ROBO2: variants seen among roughly 807,000 people sequenced by gnomAD.
ROBO2 encodes the protein roundabout homolog 2.
In ROBO2, 53 loss-of-function variants were observed where a neutral mutation model predicts 160.8. That is an observed-to-expected ratio of 0.33 (90% CI 0.26 to 0.41). ROBO2 has a LOEUF of 0.41. Ranked by LOEUF, ROBO2 falls within the 10% of genes least tolerant of loss-of-function variation. The pLI, the probability that ROBO2 is intolerant of heterozygous loss-of-function variation, is 1.00. For missense variants in ROBO2, 1,577 were observed against 1,722.4 expected, an observed-to-expected ratio of 0.92 and a Z score of 1.49; for synonymous variants, 664 against 611.7, an observed-to-expected ratio of 1.09 and a Z score of -1.26.
intron 2 of ROBO2, among the ~76,000 whole-genome samples, chr3:77,327,826 G>T (rs770561431): frequency 1.3e-5 from 2 of 151,992 alleles, no homozygotes; most frequent in Non-Finnish European, 2.9e-5. Context: ...GAGGTGGGTC[G>T]ATCACCTGAG....
intron 2 of ROBO2, among the ~76,000 whole-genome samples, chr3:76,286,585 G>T (rs1040076933): frequency 5.3e-5 from 8 of 152,178 alleles, no homozygotes; most frequent in African/African-American, 1.4e-4. Context: ...CATTAGAGGA[G>T]ACAAGTCTGG....
intron 2 of ROBO2, among the ~76,000 whole-genome samples, chr3:76,073,267 CTTTTTTTTTTTTTTTT>C (rs869307615): frequency 0.25 from 14,459 of 57,312 alleles, 3,885 homozygotes; most frequent in Middle Eastern, 0.41. Context: ...AATGAGTATT[CTTTTTTTTTTTTTTTT>C]TTTTTTTTTT....
At chr3:75,928,861 CGTGTGTGTG>C (rs1442870884) in intron 1 of ROBO2, among the ~76,000 whole-genome samples, 2 of 109,102 alleles carry the variant, frequency 1.8e-5, no homozygotes, top group African/African-American at 3.8e-5. Context: ...CTGGATAAGA[CGTGTGTGTG>C]TGTGTGTGTG....
At chr3:77,645,010 T>C in intron 25 of ROBO2, 106 bp downstream of exon 27, 1 of 1,191,314 alleles carries the variant, frequency 8.4e-7, no homozygotes, top group Non-Finnish European at 1.2e-6. Context: ...ACTTGCTCTG[T>C]TACAAAAACA....
chr3:76,798,851 C>A (rs1053605854), intron 2 of ROBO2, among the ~76,000 whole-genome samples: 1 of 152,024 alleles, frequency 6.6e-6, no homozygotes, highest in African/African-American at 2.4e-5. Context: ...CATGATCATG[C>A]CACTACACTC....
chr3:76,850,210 T>G (rs892026136), intron 2 of ROBO2, among the ~76,000 whole-genome samples: 25 of 152,142 alleles, frequency 1.6e-4, no homozygotes, highest in African/African-American at 5.8e-4. Flanking sequence ...CAGCTCTTAG[T>G]GGATTAAGAT....
chr3:76,923,932 G>A (rs947435496), intron 2 of ROBO2, among the ~76,000 whole-genome samples: 2 of 152,136 alleles, frequency 1.3e-5, no homozygotes, highest in Non-Finnish European at 2.9e-5. Context: ...CTCATTGTTC[G>A]GAAACTAAAA....
intron 1 of ROBO2, 32 bp downstream of exon 1, chr3:77,040,878 GCCCCCCAC>G: frequency 1.2e-6 from 2 of 1,610,874 alleles, no homozygotes; most frequent in Non-Finnish European, 1.7e-6. Flanking sequence ...CTTTTTTTGC[GCCCCCCAC>G]CCCCCAATCC....
chr3:76,488,717 C>T (rs2079633877), intron 2 of ROBO2, among the ~76,000 whole-genome samples: 5 of 151,914 alleles, frequency 3.3e-5, no homozygotes, highest in Admixed American at 3.3e-4. Flanking sequence ...GAGCAGATAT[C>T]TTGGAGGCCA....
At chr3:77,594,785 T>C (rs573719692) in intron 17 of ROBO2, among the ~76,000 whole-genome samples, 16 of 152,322 alleles carry the variant, frequency 1.1e-4, no homozygotes, top group African/African-American at 3.8e-4. Flanking sequence ...GACACCTTTG[T>C]TTTAAAATTA....
intron 2 of ROBO2, among the ~76,000 whole-genome samples, chr3:76,301,896 T>G (rs1709377281): frequency 6.6e-6 from 1 of 152,080 alleles, no homozygotes; most frequent in African/African-American, 2.4e-5. Flanking sequence ...TTCTTTATCT[T>G]GTCCTCCATC....
At chr3:76,533,002 G>C (rs2082309557) in intron 2 of ROBO2, among the ~76,000 whole-genome samples, 1 of 152,172 alleles carries the variant, frequency 6.6e-6, no homozygotes, top group African/African-American at 2.4e-5. Flanking sequence ...ATGATATCCA[G>C]TTACTTTCAT....
rs978108165 is a variant in ROBO2 at position 77,640,359 on chromosome 3, C to T, written c.3935-4345C>T. ...CGATCTCTTGACCTCGTGATCCGCC[C>T]GCCTTGGCCTCCCAAAGTGCTGCGA... is the stretch of plus-strand genomic sequence containing the variant. On this transcript the variant is annotated intron_variant, in intron 24 of 25. Transcript: ENST00000461745. Among the ~76,000 whole-genome samples, 10 of 152,232 alleles carry T rather than the reference C, an allele frequency of 6.6e-5. No homozygotes were observed. The East Asian group carries it at 1.2e-3, about 18-fold the overall frequency.
At chr3:77,188,106 A>G (rs1234331935) in intron 2 of ROBO2, among the ~76,000 whole-genome samples, 2 of 143,188 alleles carry the variant, frequency 1.4e-5, no homozygotes, top group Non-Finnish European at 1.5e-5. Flanking sequence ...TTATGTATCA[A>G]TTATCTTTGA....
chr3:76,034,085 A>G (rs1340705147), intron 2 of ROBO2, among the ~76,000 whole-genome samples: 1 of 152,156 alleles, frequency 6.6e-6, no homozygotes, highest in African/African-American at 2.4e-5. Flanking sequence ...CACCTTAGAA[A>G]AGGGGCATAG....
intron 2 of ROBO2, among the ~76,000 whole-genome samples, chr3:76,035,878 C>T (rs1165330851): frequency 6.6e-6 from 1 of 151,970 alleles, no homozygotes; most frequent in Non-Finnish European, 1.5e-5. Flanking sequence ...CCTGTGTCTC[C>T]TTCACCCTCT....
chr3:77,152,509 A>C (rs1277622047), intron 2 of ROBO2, among the ~76,000 whole-genome samples: 3 of 152,330 alleles, frequency 2.0e-5, no homozygotes, highest in African/African-American at 2.4e-5. Flanking sequence ...ACCATACTGG[A>C]TAGTGCCACT....
At chr3:75,950,834 A>G (rs1175040462) in intron 2 of ROBO2, among the ~76,000 whole-genome samples, 1 of 152,022 alleles carries the variant, frequency 6.6e-6, no homozygotes, top group Non-Finnish European at 1.5e-5. Context: ...TGCACCTGCA[A>G]TGCTATGGCG....
chr3:76,039,375 A>G (rs2067212606), intron 2 of ROBO2, among the ~76,000 whole-genome samples: 1 of 152,014 alleles, frequency 6.6e-6, no homozygotes, highest in African/African-American at 2.4e-5. Context: ...AGTAAGGACA[A>G]TGAATTTATA....
Sources: allele counts gnomAD v4.1 joint callset (sites outside exome capture counted in the v4.1 genomes callset), GRCh38; gene constraint gnomAD v4.1.1; transcripts MANE v1.5; gene names NCBI Gene and HGNC (gene_info 2026-07-23, HGNC 2026-07-21).